The following NOX3 variants were observed in gnomAD, a reference collection of about 807,000 sequenced individuals.
The protein encoded by NOX3 is NADPH oxidase catalytic subunit-like 3.
NOX3 carries 74 observed loss-of-function variants against 76.7 expected under a neutral mutation model. That is an observed-to-expected ratio of 0.96 (90% CI 0.80 to 1.17). The LOEUF (loss-of-function observed/expected upper bound fraction) is 1.17, where lower values mean the gene tolerates loss of function less well. Among genes scored for constraint, NOX3 ranks in the 50% most tolerant of loss-of-function variants. The pLI is 0.00. For synonymous variants in NOX3, 263 were observed against 261.1 expected (o/e 1.01, Z -0.07); for missense variants, 695 against 703.3 (o/e 0.99, Z 0.13).
intron 9 of NOX3, among the ~76,000 whole-genome samples, chr6:155,426,509 G>C (rs1476112371): frequency 6.6e-6 from 1 of 152,196 alleles, no homozygotes. Context: ...TGTGCAGTGG[G>C]AAGCAAAGGC....
intron 5 of NOX3, among the ~76,000 whole-genome samples, chr6:155,441,024 G>A (rs1468866462): frequency 6.6e-6 from 1 of 152,168 alleles, no homozygotes; most frequent in Non-Finnish European, 1.5e-5. Flanking sequence ...ATCAATAAAG[G>A]TACAGCTATT....
chr6:155,411,127 G>A, intron 11 of NOX3, 87 bp downstream of exon 11: 2 of 1,081,402 alleles, frequency 1.8e-6, no homozygotes, highest in South Asian at 1.8e-5. Context: ...TGCTATCAGA[G>A]TGCTACATAG....
At chr6:155,424,412 T>C (rs1187396140) in intron 9 of NOX3, among the ~76,000 whole-genome samples, 1 of 152,232 alleles carries the variant, frequency 6.6e-6, no homozygotes. Context: ...GTCAGCAGAA[T>C]GTATTAAATA....
chr6:155,417,483 C>T (rs959590078), intron 10 of NOX3, among the ~76,000 whole-genome samples: 6 of 152,216 alleles, frequency 3.9e-5, no homozygotes, highest in Non-Finnish European at 8.8e-5. Flanking sequence ...ATACTGGTCA[C>T]TTCCGCACAG....
chr6:155,447,140 G>C (rs1403982554), intron 4 of NOX3, among the ~76,000 whole-genome samples: 4 of 151,740 alleles, frequency 2.6e-5, no homozygotes, highest in African/African-American at 9.7e-5. Context: ...CTGCCTCTCG[G>C]GTTCAAGCAA....
chr6:155,402,787 G>T (rs981629106), intron 12 of NOX3, among the ~76,000 whole-genome samples: 3 of 152,180 alleles, frequency 2.0e-5, no homozygotes, highest in Non-Finnish European at 4.4e-5. Flanking sequence ...GAAAGAGTAA[G>T]TCCGGAGAAT....
chr6:155,448,641 C>CA (rs34503841), intron 4 of NOX3, among the ~76,000 whole-genome samples: 46,223 of 113,722 alleles, frequency 0.41, 8,770 homozygotes, highest in Non-Finnish European at 0.5. Context: ...AAGAGTGAAC[C>CA]AAAAAAAAAA....
At chr6:155,419,530 A>T (rs905845379) in intron 10 of NOX3, among the ~76,000 whole-genome samples, 2 of 152,040 alleles carry the variant, frequency 1.3e-5, no homozygotes, top group Non-Finnish European at 2.9e-5. Flanking sequence ...ATATGACATT[A>T]TTTCTGCCCT....
At chr6:155,419,862 G>A (rs1054417236) in intron 10 of NOX3, among the ~76,000 whole-genome samples, 9 of 152,006 alleles carry the variant, frequency 5.9e-5, no homozygotes, top group African/African-American at 2.2e-4. Context: ...AAAAATCATT[G>A]AAGAATTTTT....
chr6:155,445,613 C>G (rs1247640636), intron 4 of NOX3, among the ~76,000 whole-genome samples: 2 of 152,084 alleles, frequency 1.3e-5, no homozygotes, highest in Non-Finnish European at 2.9e-5. Flanking sequence ...ATTTCACCAG[C>G]ACAAATGATA....
chr6:155,409,661 G>A (rs945314545), intron 11 of NOX3, among the ~76,000 whole-genome samples: 7 of 152,162 alleles, frequency 4.6e-5, no homozygotes, highest in Admixed American at 1.3e-4. Flanking sequence ...TTCTAAAACA[G>A]CCTCTTGATT....
intron 6 of NOX3, among the ~76,000 whole-genome samples, chr6:155,439,082 C>T (rs536620527): frequency 2.1e-4 from 32 of 152,286 alleles, no homozygotes; most frequent in African/African-American, 7.2e-4. Context: ...TCACTTAACC[C>T]TCAGAACACC....
intron 1 of NOX3, 73 bp from the exon 2 acceptor site, chr6:155,455,202 T>C: frequency 2.1e-6 from 2 of 936,462 alleles, no homozygotes; most frequent in Non-Finnish European, 1.7e-6. Context: ...CACTTGGGGT[T>C]CTTCTTTTAA....
intron 4 of NOX3, among the ~76,000 whole-genome samples, chr6:155,446,489 C>A (rs1050625531): frequency 6.6e-6 from 1 of 152,136 alleles, no homozygotes; most frequent in African/African-American, 2.4e-5. Context: ...CAGGTATCAG[C>A]CTTCTTCTCA....
chr6:155,409,477 A>G (rs1582928514), intron 11 of NOX3, among the ~76,000 whole-genome samples: 1 of 152,220 alleles, frequency 6.6e-6, no homozygotes, highest in African/African-American at 2.4e-5. Context: ...GGTACCGCCA[A>G]TCACTGATGT....
chr6:155,425,951 C>G (rs780652645), intron 9 of NOX3, among the ~76,000 whole-genome samples: 1 of 152,184 alleles, frequency 6.6e-6, no homozygotes, highest in Non-Finnish European at 1.5e-5. Context: ...CTTGCTTCCC[C>G]TCCTGGGCAT....
chr6:155,404,877 A>G (rs1340813634), intron 12 of NOX3, among the ~76,000 whole-genome samples: 1 of 152,140 alleles, frequency 6.6e-6, no homozygotes, highest in Non-Finnish European at 1.5e-5. Flanking sequence ...AATCTTGGAC[A>G]GCTACCTGAT....
chr6:155,440,386 C>T (rs181658953), intron 5 of NOX3, among the ~76,000 whole-genome samples: 24 of 151,868 alleles, frequency 1.6e-4, no homozygotes, highest in African/African-American at 5.3e-4. Context: ...GCTAAAATTT[C>T]GTAAAATACC....
chr6:155,409,406 C>T (rs1042262507), intron 11 of NOX3, among the ~76,000 whole-genome samples: 1 of 152,126 alleles, frequency 6.6e-6, no homozygotes, highest in Non-Finnish European at 1.5e-5. Context: ...TCTTAAGGTC[C>T]TTGCTGAGAA....
Sources: gnomAD v4.1 joint callset for allele counts (sites outside exome capture counted in the v4.1 genomes callset) on GRCh38, gnomAD v4.1.1 for gene constraint, MANE v1.5 for transcripts, NCBI Gene and HGNC (gene_info 2026-07-23, HGNC 2026-07-21) for gene names.